Variants in DHRSX observed in about 807,000 individuals in gnomAD.
DHRSX encodes the protein polyprenol dehydrogenase.
DHRSX carries 31 observed loss-of-function variants against 34.0 expected under a neutral mutation model. That is an observed-to-expected ratio of 0.91 (90% CI 0.69 to 1.23). The LOEUF is 1.23. DHRSX is among the 50% of genes most tolerant of loss of function. The pLI is 0.00. For synonymous variants in DHRSX, 201 were observed against 183.8 expected, an observed-to-expected ratio of 1.09 and a Z score of -0.76; for missense variants, 414 against 428.1, an observed-to-expected ratio of 0.97 and a Z score of 0.29.
intron 3 of DHRSX, among the ~76,000 whole-genome samples, chrX:2,323,125 A>T (rs1399617989): frequency 6.6e-6 from 1 of 152,104 alleles, no homozygotes; most frequent in East Asian, 1.9e-4. Flanking sequence ...CAACAGCCAG[A>T]GCTGACTAAG....
At chrX:2,258,483 G>T (rs1359860188) in intron 5 of DHRSX, among the ~76,000 whole-genome samples, 6 of 152,032 alleles carry the variant, frequency 3.9e-5, no homozygotes, top group Admixed American at 3.9e-4. Context: ...CTCATAAGAG[G>T]AGGAGATGAG....
intron 3 of DHRSX, among the ~76,000 whole-genome samples, chrX:2,292,587 G>T (rs940168168): frequency 6.6e-6 from 1 of 150,768 alleles, no homozygotes; most frequent in African/African-American, 2.4e-5. Context: ...ATAGAATATA[G>T]AATTTTATAT....
chrX:2,252,421 G>C (rs1290130255), intron 5 of DHRSX, among the ~76,000 whole-genome samples: 2 of 152,138 alleles, frequency 1.3e-5, no homozygotes, highest in Non-Finnish European at 1.5e-5. Flanking sequence ...AAGAGTCCAG[G>C]AAACAGATAG....
At chrX:2,322,484 G>A (rs759005388) in intron 3 of DHRSX, among the ~76,000 whole-genome samples, 1 of 150,960 alleles carries the variant, frequency 6.6e-6, no homozygotes, top group East Asian at 2.0e-4. Context: ...GGGAGGCGTA[G>A]GCTGTACTGA....
chrX:2,480,899 T>C (rs1300065835), intron 1 of DHRSX, among the ~76,000 whole-genome samples: 3 of 152,162 alleles, frequency 2.0e-5, no homozygotes, highest in Admixed American at 6.6e-5. Flanking sequence ...CACACAGTGA[T>C]TATCATTAAT....
intron 1 of DHRSX, among the ~76,000 whole-genome samples, chrX:2,445,678 T>A (rs2124670779): frequency 6.6e-6 from 1 of 151,934 alleles, no homozygotes. Context: ...AGATGTTCCC[T>A]AACAATGTGG....
At chrX:2,326,395 C>T (rs1405853156) in intron 3 of DHRSX, among the ~76,000 whole-genome samples, 15 of 152,212 alleles carry the variant, frequency 9.9e-5, no homozygotes, top group Admixed American at 3.3e-4. Context: ...TGGTGGCAGG[C>T]ACCTGTAATC....
intron 4 of DHRSX, among the ~76,000 whole-genome samples, chrX:2,282,768 G>C (rs1251421257): frequency 2.1e-5 from 1 of 46,682 alleles, no homozygotes; most frequent in Non-Finnish European, 5.3e-5. Context: ...AGGGGAGAAA[G>C]CGAGGGAGGG....
intron 3 of DHRSX, among the ~76,000 whole-genome samples, chrX:2,302,862 T>A (rs1483778862): frequency 6.6e-6 from 1 of 152,162 alleles, no homozygotes; most frequent in Non-Finnish European, 1.5e-5. Context: ...GCATTTTTTT[T>A]AGTAATTCAT....
chrX:2,223,082 A>G (rs1269197099), intron 6 of DHRSX, among the ~76,000 whole-genome samples: 2 of 152,100 alleles, frequency 1.3e-5, no homozygotes, highest in East Asian at 1.9e-4. Context: ...GCAAACCCAA[A>G]GTGTCCTGGG....
At chrX:2,259,903 A>C (rs1209260164) in intron 5 of DHRSX, among the ~76,000 whole-genome samples, 1 of 151,892 alleles carries the variant, frequency 6.6e-6, no homozygotes, top group Non-Finnish European at 1.5e-5. Context: ...ATCTCTAACT[A>C]ATTACACCGG....
At chrX:2,283,894 G>A (rs1168645068) in intron 4 of DHRSX, among the ~76,000 whole-genome samples, 10 of 130,234 alleles carry the variant, frequency 7.7e-5, no homozygotes, top group African/African-American at 3.0e-4. Flanking sequence ...CTTTGAATTC[G>A]TTCATTCCTT....
chrX:2,238,221 C>T (rs1158653532), intron 6 of DHRSX, among the ~76,000 whole-genome samples: 2 of 152,092 alleles, frequency 1.3e-5, no homozygotes, highest in South Asian at 4.1e-4. Context: ...GCCAGGCATG[C>T]TGGTGCATTC....
intron 5 of DHRSX, among the ~76,000 whole-genome samples, chrX:2,259,313 GATAT>G (rs2041323791): frequency 6.9e-6 from 1 of 144,710 alleles, no homozygotes; most frequent in African/African-American, 2.6e-5. Context: ...TATAGATATA[GATAT>G]ATAGATAGAT....
At chrX:2,436,252 A>C (rs1205220518) in intron 1 of DHRSX, among the ~76,000 whole-genome samples, 1 of 151,786 alleles carries the variant, frequency 6.6e-6, no homozygotes. Context: ...AAAAAAATAA[A>C]AACTATGTGT....
chrX:2,398,156 G>T (rs1386210869), intron 3 of DHRSX, among the ~76,000 whole-genome samples: 1 of 152,170 alleles, frequency 6.6e-6, no homozygotes, highest in Non-Finnish European at 1.5e-5. Flanking sequence ...AGCTCATGGT[G>T]CTGCAGAAGT....
At chrX:2,399,412 A>G (rs1204601480) in intron 3 of DHRSX, among the ~76,000 whole-genome samples, 2 of 151,866 alleles carry the variant, frequency 1.3e-5, no homozygotes, top group Non-Finnish European at 2.9e-5. Context: ...TGTTTAAAAA[A>G]AAAAAAAACA....
At chrX:2,308,865 G>A (rs1036692996) in intron 3 of DHRSX, among the ~76,000 whole-genome samples, 22 of 149,178 alleles carry the variant, frequency 1.5e-4, no homozygotes, top group African/African-American at 5.5e-4. Flanking sequence ...GAAAGGGAAG[G>A]AGGAAAGGAT....
intron 1 of DHRSX, among the ~76,000 whole-genome samples, chrX:2,434,558 C>T (rs2043969909): frequency 6.6e-6 from 1 of 152,194 alleles, no homozygotes; most frequent in Admixed American, 6.5e-5. Context: ...GTAGTCCCAG[C>T]TACCCTGGAG....
Sources: gnomAD v4.1 joint callset for allele counts (sites outside exome capture counted in the v4.1 genomes callset) on GRCh38, gnomAD v4.1.1 for gene constraint, MANE v1.5 for transcripts, NCBI Gene and HGNC (gene_info 2026-07-23, HGNC 2026-07-21) for gene names.